Variants in TTN observed in about 807,000 individuals in gnomAD.
The protein encoded by TTN is connectin.
In TTN, 1,525 loss-of-function variants were observed where a neutral mutation model predicts 3,223.0. That is an observed-to-expected ratio of 0.47 (90% CI 0.45 to 0.49). The LOEUF is 0.49. Ranked by LOEUF, TTN falls within the 20% of genes least tolerant of loss-of-function variation. The probability of loss-of-function intolerance (pLI) is 0.00; values close to 1 mark genes in which losing one functional copy is unlikely to be tolerated. For synonymous variants in TTN, 14,094 were observed against 15,161.0 expected (o/e 0.93, Z 5.17); for missense variants, 40,786 against 43,424.0 (o/e 0.94, Z 5.40).
In TTN at chr2:178,584,831, G is replaced by A. The variant is rs767011515; in HGVS notation, c.64810C>T (p.Arg21604Ter). The part of the protein sequence containing the change: ...NYIVEKCDVS[R>*]GDWVTALASV... ...GCTAGAGCCGTGACCCAGTCACCTC[G>A]GCTTACATCACACTTCTCCACTATA... is the stretch of plus-strand genomic sequence containing the variant. Residue 21604 changes from arginine (R) to a stop codon, truncating the protein, a stop_gained, in exon 310 of 363, where the codon CGA becomes TGA. Coordinates refer to ENST00000589042, the MANE Select transcript of TTN (RefSeq NM_001267550.2). LOFTEE classifies it high-confidence loss of function. The A allele has an allele frequency of 1.2e-6, 2 of 1,613,330 alleles. No individual in the cohort carries two copies. Among genetic ancestry groups the A allele is most frequent in the Non-Finnish European group, 1.7e-6 (2 of 1,179,530 alleles).
chr2:178,651,665 C>G lies in TTN; in HGVS notation c.39463+1G>C, dbSNP rs1553770003. The G allele has an allele frequency of 1.2e-6, 2 of 1,613,202 alleles. No individual in the cohort carries two copies. Among genetic ancestry groups the G allele is most frequent in the Non-Finnish European group, 1.7e-6 (2 of 1,179,522 alleles). ...AGGGAGTTAGTGGCAGTGAGGAATA[C>G]CTTTCACTGGTGGTAGTTCAGGTTT... On this transcript the variant is annotated splice_donor_variant, in intron 206 of 362. Transcript: ENST00000589042. LOFTEE classifies it high-confidence loss of function.
At chr2:178,789,882 A>G (rs2093398012) in intron 12 of TTN, 96 bp downstream of exon 12, 2 of 1,543,610 alleles carry the variant, frequency 1.3e-6, no homozygotes, top group Non-Finnish European at 1.8e-6. Context: ...TTTAAAAGGC[A>G]AATACAGATT....
Position 178,766,523 on chromosome 2 carries a change from A to G in TTN, c.9561T>C (p.Asn3187=). ...AHWYKDGIEI[N]FQVQERHKYV... ...ATTTGTGTCGTTCTTGAACTTGGAA[A>G]TTGATTTCAATGCCATCTTTATACC... is the stretch of plus-strand genomic sequence containing the variant. The change falls in exon 41 of 363, where the codon AAT becomes AAC. Residue 3187 remains asparagine, a synonymous_variant. Coordinates refer to ENST00000589042, the MANE Select transcript of TTN (RefSeq NM_001267550.2). 6.2e-7 allele frequency: 1 copy of G among 1,614,096 alleles called. No homozygotes were observed. The highest frequency in any genetic ancestry group is 8.5e-7 in the Non-Finnish European group (1 of 1,179,996).
chr2:178,558,450 G>C lies in TTN; in HGVS notation c.87009C>G (p.Ser29003=). The C allele has an allele frequency of 6.2e-7, 1 of 1,613,708 alleles. No individual in the cohort carries two copies. The highest frequency in any genetic ancestry group is 1.1e-5 in the South Asian group (1 of 91,068). Reference sequence around the variant, plus strand: ...AGTATTCAGAATTCTCTCTCAGACCGGAAACAACGTGATGGGTTGACTTTG... The same window carrying C: ...AGTATTCAGAATTCTCTCTCAGACCCGAAACAACGTGATGGGTTGACTTTG... ...AVAKSTHHVV[S]GLRENSEYFF... is the part of the protein sequence containing the mutation. Residue 29003 remains serine, a synonymous_variant, in exon 327 of 363, where the codon TCC becomes TCG. Transcript: ENST00000589042.
intron 4 of TTN, 33 bp from the exon 5 acceptor site, chr2:178,799,943 G>A: frequency 6.2e-7 from 1 of 1,603,590 alleles, no homozygotes; most frequent in Middle Eastern, 1.7e-4. Flanking sequence ...GTTTGGGAGG[G>A]GGCACAATGA....
chr2:178,547,304 G>A lies in TTN; in HGVS notation c.94221C>T (p.Val31407=). Residue 31407 remains valine, a splice_region_variant and synonymous_variant, in exon 340 of 363, where the codon GTC becomes GTT. Coordinates refer to ENST00000589042, the MANE Select transcript of TTN (RefSeq NM_001267550.2). ...SAPIIAEHPF[V]PPSAPTRPEV... is the part of the protein sequence containing the mutation. ...CAGGTCTGGTAGGAGCGCTTGGTGG[G>A]ACTAAATATAAACAAAGGTATTAAG... is the stretch of plus-strand genomic sequence containing the variant. 1 of 1,599,996 alleles carries A rather than the reference G, an allele frequency of 6.3e-7. No individual in the cohort carries two copies. Among genetic ancestry groups the A allele is most frequent in the Non-Finnish European group, 8.5e-7 (1 of 1,173,234 alleles).
rs778332673 is a variant in TTN, at chr2:178,563,506, G to A, written c.82626C>T (p.Phe27542=). ...TGLTEGHSYE[F]RVAAENAAGV... Reference sequence around the variant, plus strand: ...CAGCTGCATTTTCAGCAGCAACTCTGAATTCATAGGAATGGCCTTCGGTAA... The same window carrying A: ...CAGCTGCATTTTCAGCAGCAACTCTAAATTCATAGGAATGGCCTTCGGTAA... Residue 27542 remains phenylalanine (F), a synonymous_variant, in exon 326 of 363, where the codon TTC becomes TTT. Transcript: ENST00000589042. The surrounding 1 kb of genome is among the most constrained non-coding windows in gnomAD (Gnocchi z 4.5). 5.6e-6 allele frequency: 9 copies of A among 1,613,746 alleles called. No homozygotes were observed. Among genetic ancestry groups the A allele is most frequent in the Admixed American group, 1.7e-5 (1 of 59,998 alleles).
chr2:178,689,661 T>A (rs76773500), intron 122 of TTN, 66 bp from the exon 123 acceptor site: 1 of 1,500,332 alleles, frequency 6.7e-7, no homozygotes. Context: ...TTATTTTTTT[T>A]AAGAAAGCAG....
intron 111 of TTN, among the ~76,000 whole-genome samples, chr2:178,699,585 G>T (rs1310670213): frequency 6.9e-6 from 1 of 144,350 alleles, no homozygotes; most frequent in Non-Finnish European, 1.5e-5. Context: ...CTAATTTTTT[G>T]TATTTTTAGT....
Position 178,593,549 on chromosome 2 carries a change from AAAG to A in TTN, c.58732+16_58732+18del. 1 of 1,604,508 alleles carries A rather than the reference AAAG, an allele frequency of 6.2e-7. No individual in the cohort carries two copies. Among genetic ancestry groups the A allele is most frequent in the Non-Finnish European group, 8.5e-7 (1 of 1,177,544 alleles). On this transcript the variant is annotated intron_variant, in intron 298 of 362. Coordinates refer to ENST00000589042, the MANE Select transcript of TTN (RefSeq NM_001267550.2). ...GTTTTATCAAGCATTGAATCACTAA[AAAG>A]AAACATAATGCATACTGAAACGATC...
At chr2:178,556,549 G>A in intron 330 of TTN, 1 of 371,462 alleles carries the variant, frequency 2.7e-6, no homozygotes, top group Non-Finnish European at 4.8e-6. Context: ...TTTAATTATT[G>A]ACTCTGATAA....
chr2:178,546,711 C>T lies in TTN; in HGVS notation c.94717G>A (p.Ala31573Thr), dbSNP rs1175642523. ...TCATAAGTGTCTCCTTCACTGAGAG[C>T]AGTCACGGTGAAGAAATTGTCAGAT... is the stretch of plus-strand genomic sequence containing the variant. ...IVSDNFFTVTALSEGDTYEFR... is the reference protein window; with the variant it reads ...IVSDNFFTVTTLSEGDTYEFR... The change falls in exon 341 of 363, where the codon GCT becomes ACT. Residue 31573 changes from alanine (A) to threonine (T), a missense_variant. Coordinates refer to ENST00000589042, the MANE Select transcript of TTN (RefSeq NM_001267550.2). The T allele has an allele frequency of 3.1e-6, 5 of 1,613,698 alleles. No homozygotes were observed. The highest frequency in any genetic ancestry group is 4.2e-6 in the Non-Finnish European group (5 of 1,179,768).
rs2077094495 is a variant in TTN at position 178,714,062 on chromosome 2, C to T, written c.26596G>A (p.Asp8866Asn). The part of the protein sequence containing the change: ...TPELSTKWFK[D>N]GKELTSDNKY... The stretch of plus-strand genomic sequence containing the variant: ...TTGTCACTTGTTAGCTCTTTTCCAT[C>T]CTTAAACCACTTAGTACTGAGTTCA... Residue 8866 changes from aspartate (D) to asparagine (N), a missense_variant, in exon 92 of 363, where the codon GAT becomes AAT. Asp to Asn is a conservative substitution (Grantham distance 23). Transcript: ENST00000589042. 1 of 1,613,590 alleles carries T rather than the reference C, an allele frequency of 6.2e-7. No homozygotes were observed.
At chr2:178,806,918 G>A (rs959207825) in intron 1 of TTN, among the ~76,000 whole-genome samples, 2 of 152,120 alleles carry the variant, frequency 1.3e-5, no homozygotes, top group Admixed American at 6.5e-5. Context: ...TAGAAAAGAA[G>A]TAAACATTTC....
rs772928697 is a variant in TTN at position 178,778,003 on chromosome 2, C to A, written c.4209-28G>T. 2.5e-6 allele frequency: 4 copies of A among 1,608,874 alleles called. No homozygotes were observed. The East Asian group carries it at 6.7e-5, about 27-fold the overall frequency. ...GCAAAACAAAGACACACAATACTTT[C>A]GTGAGGCATAAAGAAAACTCAGCAA... On this transcript the variant is annotated intron_variant, in intron 24 of 362. Coordinates refer to ENST00000589042, the MANE Select transcript of TTN (RefSeq NM_001267550.2).
rs563425849 is a variant in TTN, at chr2:178,679,753, A to C, written c.33581-71T>G. ...ATAAAATGTGAAAAGCACCTGTAGA[A>C]ATCATATTTCAGCATCTAAAAATAT... On this transcript the variant is annotated intron_variant, in intron 140 of 362. Coordinates refer to ENST00000589042, the MANE Select transcript of TTN (RefSeq NM_001267550.2). The C allele has an allele frequency of 1.2e-5, 19 of 1,542,742 alleles. No homozygotes were observed. The East Asian group carries it at 4.1e-4, about 33-fold the overall frequency.
Position 178,622,676 on chromosome 2 carries a change from A to G in TTN, c.44907T>C (p.Asn14969=). ...CAGGTATACAGTCACAGACCTTAGC[A>G]TTTTCTCGGGAAAGTTCACACTCAA... ...ARFECELSRE[N]AKVKWFKDGA... Residue 14969 remains asparagine, a synonymous_variant, in exon 243 of 363, where the codon AAT becomes AAC. Transcript: ENST00000589042. The G allele has an allele frequency of 6.2e-7, 1 of 1,604,598 alleles. No homozygotes were observed. Among genetic ancestry groups the G allele is most frequent in the Non-Finnish European group, 8.5e-7 (1 of 1,175,242 alleles).
At position 178,719,622 on chromosome 2, in the gene TTN, C is replaced by T; in HGVS notation, c.23870G>A (p.Gly7957Glu). The T allele has an allele frequency of 6.2e-7, 1 of 1,613,700 alleles. No individual in the cohort carries two copies. Among genetic ancestry groups the T allele is most frequent in the Non-Finnish European group, 8.5e-7 (1 of 1,179,704 alleles). The part of the protein sequence containing the change: ...KIPCAEMSDK[G>E]LYSFEVKNSV... ...GTTTTTCACTTCAAAGCTATATAAT[C>T]CTTTGTCACTCATTTCGGCACAGGG... Residue 7957 changes from glycine (G) to glutamate (E), a missense_variant, in exon 82 of 363, where the codon GGA becomes GAA. Gly to Glu is a moderately conservative substitution (Grantham distance 98). Coordinates refer to ENST00000589042, the MANE Select transcript of TTN (RefSeq NM_001267550.2).
Position 178,553,670 on chromosome 2 carries a change from C to T in TTN, c.89335G>A (p.Glu29779Lys). The change falls in exon 334 of 363, where the codon GAG becomes AAG. Residue 29779 changes from glutamate to lysine, a missense_variant. Transcript: ENST00000589042. ...YVVEIRQGEE[E>K]EWTTVSTKGE... The stretch of plus-strand genomic sequence containing the variant: ...TTGGTAGAGACAGTAGTCCATTCCT[C>T]TTCCTCTCCTTGTCTTATCTCGACA... 6.2e-7 allele frequency: 1 copy of T among 1,613,878 alleles called. No individual in the cohort carries two copies.
Sources: gnomAD v4.1 joint callset for allele counts (sites outside exome capture counted in the v4.1 genomes callset) on GRCh38, gnomAD v4.1.1 for gene constraint, Gnocchi (gnomAD v3.1) non-coding constraint, MANE v1.5 for transcripts, NCBI Gene and HGNC (gene_info 2026-07-23, HGNC 2026-07-21) for gene names.